The following ADAMTSL1 variants were observed in gnomAD, a reference collection of about 807,000 sequenced individuals.
ADAMTSL1 encodes the protein ADAMTS like 1.
ADAMTSL1 carries 126 observed loss-of-function variants against 201.8 expected under a neutral mutation model. That is an observed-to-expected ratio of 0.62 (90% confidence interval 0.54 to 0.72). The LOEUF (loss-of-function observed/expected upper bound fraction) is 0.72, where lower values mean the gene tolerates loss of function less well. ADAMTSL1 is among the 30% of genes least tolerant of loss of function. The pLI is 0.00. For synonymous variants in ADAMTSL1, 1,121 were observed against 903.4 expected (o/e 1.24, Z -4.32); for missense variants, 2,679 against 2,277.8 (o/e 1.18, Z -3.59).
Position 18,677,374 on chromosome 9 carries a change from A to C in ADAMTSL1, c.1136+1467A>C, listed in dbSNP as rs7018593. 6.2e-3 allele frequency among the ~76,000 whole-genome samples: 939 copies of C among 152,114 alleles called. 5 individuals are homozygous for C. The highest frequency in any genetic ancestry group is 0.022 in the African/African-American group (897 of 41,546). ...TGAAAAAATAATGAAATAGCAAAAAATTAATTTTTTGAAGTAATGAAAATA... is the reference window on the plus strand; with the variant it reads ...TGAAAAAATAATGAAATAGCAAAAACTTAATTTTTTGAAGTAATGAAAATA... On this transcript the variant is annotated intron_variant, in intron 10 of 28. Coordinates refer to ENST00000380548, the MANE Select transcript of ADAMTSL1 (RefSeq NM_001040272.6).
intron 3 of ADAMTSL1, among the ~76,000 whole-genome samples, chr9:18,556,813 A>C (rs905215745): frequency 6.6e-6 from 1 of 152,020 alleles, no homozygotes; most frequent in South Asian, 2.1e-4. Flanking sequence ...ACTTTAATTA[A>C]AATTATATTT....
chr9:18,212,955 C>G (rs1276182559), intron 2 of ADAMTSL1, among the ~76,000 whole-genome samples: 3 of 152,126 alleles, frequency 2.0e-5, no homozygotes, highest in Non-Finnish European at 4.4e-5. Flanking sequence ...GTTCATTGTC[C>G]TAAATGCAAA....
intron 1 of ADAMTSL1, among the ~76,000 whole-genome samples, chr9:18,479,642 C>T (rs1391640712): frequency 6.6e-6 from 1 of 152,068 alleles, no homozygotes; most frequent in Non-Finnish European, 1.5e-5. Context: ...GTGCCATCGC[C>T]CATCTCTTAC....
chr9:18,665,344 A>G (rs1325255990), intron 9 of ADAMTSL1, among the ~76,000 whole-genome samples: 1 of 152,132 alleles, frequency 6.6e-6, no homozygotes, highest in South Asian at 2.1e-4. Context: ...AACTAAAATC[A>G]TAAATATCAT....
chr9:18,466,220 A>C (rs529671701), intron 2 of ADAMTSL1, among the ~76,000 whole-genome samples: 1 of 152,314 alleles, frequency 6.6e-6, no homozygotes, highest in Admixed American at 6.5e-5. Context: ...ACATGTAAAA[A>C]GAGATAAAAT....
At chr9:18,270,430 G>A (rs1488136579) in intron 2 of ADAMTSL1, among the ~76,000 whole-genome samples, 2 of 152,106 alleles carry the variant, frequency 1.3e-5, no homozygotes, top group East Asian at 1.9e-4. Context: ...AATCTGCAAA[G>A]GCCAAATTAT....
In ADAMTSL1 at chr9:18,505,048, G is replaced by A. The variant is rs559045248; in HGVS notation, c.191+92G>A. The A allele has an allele frequency of 2.8e-6, 4 of 1,435,744 alleles. No individual in the cohort carries two copies. In the African/African-American group the frequency reaches 5.8e-5, roughly 21 times the overall value. The allele number at this position is 1,435,744 out of a possible 1,614,324, so 88.9% of individuals were successfully genotyped here. On this transcript the variant is annotated intron_variant, in intron 2 of 28. Transcript: ENST00000380548. Reference sequence around the variant, plus strand: ...TGATTGGGTTTATGGAGAACATTTTGTGGCTTACAGATCCAGATAAAAGAA... The same window carrying A: ...TGATTGGGTTTATGGAGAACATTTTATGGCTTACAGATCCAGATAAAAGAA...
chr9:18,765,910 C>G (rs2133690775), intron 16 of ADAMTSL1, among the ~76,000 whole-genome samples: 1 of 152,278 alleles, frequency 6.6e-6, no homozygotes, highest in Admixed American at 6.5e-5. Flanking sequence ...CCTCTCCACA[C>G]AGCTGAGAAT....
At chr9:18,038,413 C>G (rs1388727148) in intron 1 of ADAMTSL1, among the ~76,000 whole-genome samples, 1 of 152,100 alleles carries the variant, frequency 6.6e-6, no homozygotes, top group African/African-American at 2.4e-5. Flanking sequence ...CAAGAAGGCC[C>G]TAACCTCCTT....
intron 2 of ADAMTSL1, among the ~76,000 whole-genome samples, chr9:18,236,482 C>T (rs752398792): frequency 6.6e-6 from 1 of 152,222 alleles, no homozygotes; most frequent in Admixed American, 6.5e-5. Context: ...AAGGCTAATA[C>T]TGTCCATATC....
rs531095212 is a variant in ADAMTSL1 at position 18,897,079 on chromosome 9, G to C, written c.4851+4483G>C. On this transcript the variant is annotated intron_variant, in intron 26 of 28. Transcript: ENST00000380548. The stretch of plus-strand genomic sequence containing the variant: ...GTTCCAGTGAGTCCTGGCAGCCCAG[G>C]TGAGGAGAAGTCCCTCACAACACAC... Among the ~76,000 whole-genome samples, 28 of 152,304 alleles carry C rather than the reference G, an allele frequency of 1.8e-4. No homozygotes were observed. The East Asian group carries it at 4.4e-3, about 24-fold the overall frequency.
chr9:18,636,159 T>C, intron 6 of ADAMTSL1, 142 bp downstream of exon 6: 1 of 693,996 alleles, frequency 1.4e-6, no homozygotes, highest in Non-Finnish European at 2.3e-6. Flanking sequence ...CCTCTGTTTA[T>C]CTTTTAGCTG....
At chr9:18,111,626 G>A (rs1166738564) in intron 1 of ADAMTSL1, among the ~76,000 whole-genome samples, 3 of 152,150 alleles carry the variant, frequency 2.0e-5, no homozygotes, top group African/African-American at 7.2e-5. Context: ...AAGACATTTT[G>A]GAGTCCACTT....
chr9:18,649,337 C>A (rs1828041045), intron 7 of ADAMTSL1, among the ~76,000 whole-genome samples: 1 of 152,040 alleles, frequency 6.6e-6, no homozygotes, highest in Admixed American at 6.6e-5. Context: ...GTTTGAATTT[C>A]CTCCTGTAGC....
chr9:18,612,500 C>T (rs925791516), intron 4 of ADAMTSL1, among the ~76,000 whole-genome samples: 11 of 152,128 alleles, frequency 7.2e-5, no homozygotes, highest in African/African-American at 2.7e-4. Flanking sequence ...GGACAGTGAA[C>T]AGGGCATCCA....
chr9:18,163,998 T>G (rs1296205832), intron 2 of ADAMTSL1: 1 of 152,014 alleles, frequency 6.6e-6, no homozygotes, highest in Non-Finnish European at 1.5e-5. Context: ...TGTCGCTTCT[T>G]CTACTTATTC....
intron 2 of ADAMTSL1, among the ~76,000 whole-genome samples, chr9:18,383,163 G>A (rs1170067857): frequency 6.6e-6 from 1 of 152,048 alleles, no homozygotes; most frequent in African/African-American, 2.4e-5. Flanking sequence ...TAGGACTGTG[G>A]GGTTTTGTGA....
At chr9:17,993,715 A>G (rs150046326) in intron 1 of ADAMTSL1, among the ~76,000 whole-genome samples, 117 of 152,248 alleles carry the variant, frequency 7.7e-4, no homozygotes, top group African/African-American at 2.8e-3. Context: ...ACAGAGTATC[A>G]TTTGGATGTT....
At chr9:18,296,045 G>A (rs1043458630) in intron 2 of ADAMTSL1, among the ~76,000 whole-genome samples, 8 of 152,262 alleles carry the variant, frequency 5.3e-5, no homozygotes, top group African/African-American at 9.6e-5. Flanking sequence ...GGCCAAAAAT[G>A]TTTACCTTGC....
Sources: gnomAD v4.1 joint callset for allele counts (sites outside exome capture counted in the v4.1 genomes callset) on GRCh38, gnomAD v4.1.1 for gene constraint, MANE v1.5 for transcripts, NCBI Gene and HGNC (gene_info 2026-07-23, HGNC 2026-07-21) for gene names.